Variants in SCAPER observed in about 807,000 individuals in gnomAD.
The protein encoded by SCAPER is S-phase cyclin A associated protein in the ER, also known as S phase cyclin A-associated protein in the endoplasmic reticulum.
A neutral mutation model predicts 182.2 loss-of-function variants in SCAPER; 98 were observed. That is an observed-to-expected ratio of 0.54 (90% CI 0.46 to 0.64). The LOEUF is 0.64. SCAPER is among the 30% of genes least tolerant of loss of function. The pLI, the probability that SCAPER is intolerant of heterozygous loss-of-function variation, is 0.00. For missense variants in SCAPER, 1,432 were observed against 1,690.0 expected (o/e 0.85, Z 2.68); for synonymous variants, 605 against 564.6 (o/e 1.07, Z -1.01).
At chr15:76,833,909 T>C (rs189133633) in intron 5 of SCAPER, among the ~76,000 whole-genome samples, 11 of 152,260 alleles carry the variant, frequency 7.2e-5, no homozygotes, top group South Asian at 2.1e-4. Context: ...CACATAACAA[T>C]AGAAGATTTC....
chr15:76,354,014 T>G lies in SCAPER; in HGVS notation c.3982A>C (p.Asn1328His), dbSNP rs779059483. ...FPSLIAACYN[N>H]HQNKIILEQE... Reference sequence around the variant, plus strand: ...TCCAGAATGATCTTGTTCTGATGGTTGTTGTAACAAGCAGCGATAAGTGAA... The same window carrying G: ...TCCAGAATGATCTTGTTCTGATGGTGGTTGTAACAAGCAGCGATAAGTGAA... Residue 1328 changes from asparagine (N) to histidine (H), a missense_variant, in exon 30 of 32, where the codon AAC (asparagine) becomes CAC (histidine). Coordinates refer to ENST00000563290, the MANE Select transcript of SCAPER (RefSeq NM_020843.4). This position sits in a 1 kb window ranked among gnomAD's most constrained non-coding sequence, Gnocchi z 4.4. 8.1e-6 allele frequency: 13 copies of G among 1,606,256 alleles called. No individual in the cohort carries two copies. In the East Asian group the frequency reaches 1.1e-4, roughly 14 times the overall value.
chr15:76,774,284 T>C (rs1430750455), intron 9 of SCAPER: 6 of 265,328 alleles, frequency 2.3e-5, no homozygotes, highest in African/African-American at 1.4e-4. Flanking sequence ...AACCCTACAA[T>C]GTATTCTTCA....
At chr15:76,829,746 C>T (rs2068294387) in intron 5 of SCAPER, among the ~76,000 whole-genome samples, 1 of 152,142 alleles carries the variant, frequency 6.6e-6, no homozygotes, top group Non-Finnish European at 1.5e-5. Context: ...AACGTCAGTG[C>T]AACTGTGTAT....
At chr15:76,574,559 T>A (rs2047684961) in intron 22 of SCAPER, among the ~76,000 whole-genome samples, 1 of 152,188 alleles carries the variant, frequency 6.6e-6, no homozygotes, top group Non-Finnish European at 1.5e-5. Flanking sequence ...AGTTTCTGTA[T>A]GATTCTTAAA....
intron 8 of SCAPER, among the ~76,000 whole-genome samples, chr15:76,790,094 G>C (rs1248868815): frequency 6.6e-6 from 1 of 152,060 alleles, no homozygotes; most frequent in Admixed American, 6.5e-5. Flanking sequence ...AGCCAGGCGT[G>C]GTGGCGGGCG....
chr15:76,512,712 C>T (rs764036049), intron 23 of SCAPER, among the ~76,000 whole-genome samples: 6 of 151,922 alleles, frequency 3.9e-5, no homozygotes, highest in South Asian at 4.2e-4. Flanking sequence ...AACATGGATG[C>T]GACCTCTTGA....
chr15:76,656,676 C>T (rs1415512497), intron 21 of SCAPER, among the ~76,000 whole-genome samples: 1 of 152,016 alleles, frequency 6.6e-6, no homozygotes, highest in Non-Finnish European at 1.5e-5. Context: ...AATTCAAAAA[C>T]CCAAAATCAT....
intron 2 of SCAPER, among the ~76,000 whole-genome samples, chr15:76,876,429 A>G (rs1298225028): frequency 8.9e-6 from 1 of 112,230 alleles, no homozygotes; most frequent in Non-Finnish European, 1.8e-5. Flanking sequence ...CTCTGCCTCA[A>G]AACAAAAGCA....
At chr15:76,462,534 T>C (rs1391194630) in intron 25 of SCAPER, among the ~76,000 whole-genome samples, 1 of 152,182 alleles carries the variant, frequency 6.6e-6, no homozygotes, top group Non-Finnish European at 1.5e-5. Flanking sequence ...CATTAAACTG[T>C]TAATTGTTTT....
At chr15:76,881,666 G>T (rs1348312804) in intron 2 of SCAPER, among the ~76,000 whole-genome samples, 1 of 152,114 alleles carries the variant, frequency 6.6e-6, no homozygotes, top group African/African-American at 2.4e-5. Context: ...ACTTATATGT[G>T]GTACATAAAG....
intron 20 of SCAPER, among the ~76,000 whole-genome samples, chr15:76,693,984 G>T (rs1011383319): frequency 6.6e-6 from 1 of 151,974 alleles, no homozygotes; most frequent in Non-Finnish European, 1.5e-5. Flanking sequence ...GGGTTAAGAC[G>T]GTAACTATCG....
At position 76,795,354 on chromosome 15, in the gene SCAPER, G is replaced by C; in HGVS notation, c.698C>G (p.Ser233Cys). 1 of 1,613,416 alleles carries C rather than the reference G, an allele frequency of 6.2e-7. No individual in the cohort carries two copies. The highest frequency in any genetic ancestry group is 8.5e-7 in the Non-Finnish European group (1 of 1,179,480). The change falls in exon 8 of 32, where the codon TCT becomes TGT. Residue 233 changes from serine (S) to cysteine (C), a missense_variant. Ser to Cys is a moderately radical substitution (Grantham distance 112). Around this residue, in one of 5 missense-constraint regions of SCAPER, gnomAD observed 480 missense variants for 510.2 expected, o/e 0.94. Transcript: ENST00000563290. Reference sequence around the variant, plus strand: ...GGGTGTTATTTCTGAAGAAGCAGTAGAGCCTGTATGATGAGCCTTTACCTT... The same window carrying C: ...GGGTGTTATTTCTGAAGAAGCAGTACAGCCTGTATGATGAGCCTTTACCTT... The part of the protein sequence containing the change: ...ADKVKAHHTG[S>C]TASSEITPAQ...
chr15:76,883,885 A>C lies in SCAPER; in HGVS notation c.-59-9T>G. The C allele has an allele frequency of 8.7e-7, 1 of 1,144,276 alleles. No homozygotes were observed. The highest frequency in any genetic ancestry group is 1.2e-6 in the Non-Finnish European group (1 of 804,728). 70.9% of individuals were successfully genotyped at this position (1,144,276 alleles called of 1,614,324 possible). A position where few individuals can be genotyped will look rare whatever the true frequency, so the allele number is the denominator to read the frequency against. ...CCCATGGAGTATGACTCCTACAATA[A>C]AAAATATATATACGCTTAGTTATAA... On this transcript the variant is annotated splice_polypyrimidine_tract_variant and intron_variant, in intron 1 of 31. Transcript: ENST00000563290.
intron 5 of SCAPER, among the ~76,000 whole-genome samples, chr15:76,827,848 C>G (rs1191390964): frequency 6.6e-6 from 1 of 152,168 alleles, no homozygotes; most frequent in African/African-American, 2.4e-5. Flanking sequence ...GCTAACATAA[C>G]TAGGAACTTA....
Position 76,564,243 on chromosome 15 carries a change from AC to A in SCAPER, c.2838+9914del, listed in dbSNP as rs2046863259. Among the ~76,000 whole-genome samples, 2 of 152,196 alleles carry A rather than the reference AC, an allele frequency of 1.3e-5. 1 individual carries two copies. Among genetic ancestry groups the A allele is most frequent in the South Asian group, 4.1e-4 (2 of 4,830 alleles). ...GTCAAACTATCCTTGTTTGCAGATG[AC>A]ACGATCCTATATCTAGAAAACCCCA... On this transcript the variant is annotated intron_variant, in intron 23 of 31. Transcript: ENST00000563290.
At chr15:76,392,654 G>A (rs2043785539) in intron 27 of SCAPER, among the ~76,000 whole-genome samples, 1 of 152,208 alleles carries the variant, frequency 6.6e-6, no homozygotes, top group Admixed American at 6.5e-5. Flanking sequence ...GGGAAGCTGA[G>A]GTTGGAGGAT....
intron 5 of SCAPER, among the ~76,000 whole-genome samples, chr15:76,815,963 G>C (rs1199755887): frequency 2.0e-5 from 3 of 152,146 alleles, no homozygotes; most frequent in African/African-American, 4.8e-5. Context: ...TCTAAACACA[G>C]AAAATCTACA....
At chr15:76,821,099 A>G (rs1568249330) in intron 5 of SCAPER, among the ~76,000 whole-genome samples, 1 of 152,228 alleles carries the variant, frequency 6.6e-6, no homozygotes, top group South Asian at 2.1e-4. Context: ...TTCTCTTACC[A>G]TGTGATCCAG....
intron 20 of SCAPER, among the ~76,000 whole-genome samples, chr15:76,674,887 CA>C (rs1428232624): frequency 2.0e-5 from 3 of 152,012 alleles, no homozygotes; most frequent in Non-Finnish European, 2.9e-5. Flanking sequence ...TAAGAAAAGG[CA>C]AAAATTAAAA....
Sources: allele counts gnomAD v4.1 joint callset (sites outside exome capture counted in the v4.1 genomes callset), GRCh38; gene constraint gnomAD v4.1.1; regional missense constraint gnomAD v4.1.1; non-coding constraint Gnocchi (gnomAD v3.1); transcripts MANE v1.5; gene names NCBI Gene and HGNC (gene_info 2026-07-23, HGNC 2026-07-21).